The following NLGN4X variants were observed in gnomAD, a reference collection of about 807,000 sequenced individuals.
The protein encoded by NLGN4X is neuroligin-4, X-linked.
A neutral mutation model predicts 40.3 loss-of-function variants in NLGN4X; 3 were observed. The observed-to-expected ratio is 0.07, with a 90% CI of 0.03 to 0.19. NLGN4X has a LOEUF of 0.19. Among genes scored for constraint, NLGN4X ranks in the 10% least tolerant of loss-of-function variants. The pLI is 1.00. For missense variants in NLGN4X, 382 were observed against 708.3 expected (o/e 0.54, Z 5.23); for synonymous variants, 270 against 306.8 (o/e 0.88, Z 1.25).
intron 1 of NLGN4X, among the ~76,000 whole-genome samples, chrX:6,193,429 A>T (rs954679485): frequency 2.8e-5 from 3 of 109,012 alleles, no homozygotes; most frequent in Non-Finnish European, 3.8e-5. Flanking sequence ...AAAAAAAAAA[A>T]AAAATGCCTC....
At chrX:5,958,060 C>A (rs2034552119) in intron 3 of NLGN4X, among the ~76,000 whole-genome samples, 1 of 111,713 alleles carries the variant, frequency 9.0e-6, no homozygotes, top group Non-Finnish European at 1.9e-5. Flanking sequence ...TCCCAGCGAA[C>A]AAACTTCTAT....
chrX:5,939,929 T>C (rs1453700284), intron 3 of NLGN4X, among the ~76,000 whole-genome samples: 1 of 111,402 alleles, frequency 9.0e-6, no homozygotes, highest in Non-Finnish European at 1.9e-5. Flanking sequence ...TGGACCTAAA[T>C]GTCTTGCCAA....
Position 6,042,458 on chromosome X carries a change from T to C in NLGN4X, c.473-13026A>G, listed in dbSNP as rs1224618288. Among the ~76,000 whole-genome samples the C allele has an allele frequency of 1.9e-4, 20 of 107,416 alleles. No individual in the cohort carries two copies. In the Admixed American group the frequency reaches 2.0e-3, roughly 11 times the overall value. 93.3% of individuals were successfully genotyped at this position (107,416 alleles called of 115,157 possible). On this transcript the variant is annotated intron_variant, in intron 2 of 5. Transcript: ENST00000381095. ...TATATTTACATGAGCCTTTCCCATT[T>C]TTTTTTTAGAATTTTCAGCTGATAG...
At chrX:6,047,584 T>C (rs1315978541) in intron 2 of NLGN4X, among the ~76,000 whole-genome samples, 10 of 112,361 alleles carry the variant, frequency 8.9e-5, no homozygotes, top group African/African-American at 2.6e-4. Flanking sequence ...TTTAGCAGCC[T>C]TGCAGAGGCT....
intron 2 of NLGN4X, among the ~76,000 whole-genome samples, chrX:6,049,541 C>T (rs1030605882): frequency 5.5e-5 from 6 of 109,568 alleles, no homozygotes; most frequent in Non-Finnish European, 7.6e-5. Flanking sequence ...ACTGAAGTGT[C>T]GCCACTTCTT....
intron 3 of NLGN4X, among the ~76,000 whole-genome samples, chrX:5,994,438 T>C (rs1191961549): frequency 9.0e-6 from 1 of 110,861 alleles, no homozygotes; most frequent in Non-Finnish European, 1.9e-5. Context: ...ACTTAGGAGG[T>C]CTCTTCTTAT....
intron 3 of NLGN4X, among the ~76,000 whole-genome samples, chrX:5,986,564 ATAAAC>A (rs1046981263): frequency 1.8e-5 from 2 of 112,481 alleles, no homozygotes; most frequent in Non-Finnish European, 3.8e-5. Flanking sequence ...TGTAAAGTCT[ATAAAC>A]TAACATTAAG....
chrX:5,904,670 G>A (rs952365741), intron 4 of NLGN4X, among the ~76,000 whole-genome samples: 1 of 112,028 alleles, frequency 8.9e-6, no homozygotes, highest in African/African-American at 3.2e-5. Context: ...TCTACTACAC[G>A]GATGTCCAGA....
intron 3 of NLGN4X, among the ~76,000 whole-genome samples, chrX:5,925,925 TATATATAA>T (rs1458430723): frequency 1.9e-5 from 1 of 52,213 alleles, no homozygotes; most frequent in East Asian, 7.2e-4. Flanking sequence ...TATATATATA[TATATATAA>T]ACCTGCGAAG....
intron 2 of NLGN4X, among the ~76,000 whole-genome samples, chrX:6,146,957 A>AT (rs2147684213): frequency 9.1e-6 from 1 of 109,807 alleles, no homozygotes; most frequent in South Asian, 4.0e-4. Context: ...TGCCCAGCTA[A>AT]TTTTTTGTAT....
At chrX:5,948,739 G>A (rs1001003036) in intron 3 of NLGN4X, among the ~76,000 whole-genome samples, 7 of 112,123 alleles carry the variant, frequency 6.2e-5, no homozygotes, top group African/African-American at 1.6e-4. Context: ...GTTAGCTAAT[G>A]TTGTGTAACA....
chrX:5,904,624 A>C (rs1023628619), intron 4 of NLGN4X, among the ~76,000 whole-genome samples: 1 of 112,104 alleles, frequency 8.9e-6, no homozygotes, highest in Non-Finnish European at 1.9e-5. Flanking sequence ...TTTAGGAGTA[A>C]AATTCTGTGT....
At chrX:6,182,908 G>A (rs1358341478) in intron 1 of NLGN4X, among the ~76,000 whole-genome samples, 1 of 112,282 alleles carries the variant, frequency 8.9e-6, no homozygotes, top group African/African-American at 3.2e-5. Flanking sequence ...AAACCATTAA[G>A]TTTGTGATTA....
intron 1 of NLGN4X, among the ~76,000 whole-genome samples, chrX:6,166,831 G>A (rs1051484185): frequency 1.8e-5 from 2 of 110,685 alleles, no homozygotes; most frequent in African/African-American, 3.3e-5. Flanking sequence ...CAACACTTTC[G>A]GAGGCTGAGG....
intron 3 of NLGN4X, among the ~76,000 whole-genome samples, chrX:5,921,390 C>CGAGAGAGAGA (rs2033039435): frequency 5.8e-5 from 1 of 17,193 alleles, no homozygotes; most frequent in African/African-American, 2.3e-4. Flanking sequence ...TGAAAATGAA[C>CGAGAGAGAGA]CAGAGAGAGA....
At chrX:6,187,218 G>C (rs1277161191) in intron 1 of NLGN4X, among the ~76,000 whole-genome samples, 1 of 102,036 alleles carries the variant, frequency 9.8e-6, no homozygotes, top group Non-Finnish European at 2.0e-5. Flanking sequence ...TTACAGGTTT[G>C]AGCCACCGCG....
intron 4 of NLGN4X, among the ~76,000 whole-genome samples, chrX:5,908,106 CAG>C (rs1440196529): frequency 3.1e-5 from 3 of 96,508 alleles, no homozygotes; most frequent in Non-Finnish European, 4.1e-5. Context: ...GGGTGAGAGA[CAG>C]AGCAAAAGAG....
chrX:6,146,441 G>A lies in NLGN4X; in HGVS notation c.472+4554C>T, dbSNP rs115312610. On this transcript the variant is annotated intron_variant, in intron 2 of 5. Coordinates refer to ENST00000381095, the MANE Select transcript of NLGN4X (RefSeq NM_181332.3). ...TTTGTTCCCTAACTAGGATGCTCTG[G>A]CTTATTATCTACCTCTAGGTTTATT... Among the ~76,000 whole-genome samples, 670 of 111,703 alleles carry A rather than the reference G, an allele frequency of 6.0e-3. 6 individuals carry two copies. The highest frequency in any genetic ancestry group is 0.021 in the African/African-American group (640 of 30,774).
At chrX:6,060,457 A>G (rs188932382) in intron 2 of NLGN4X, among the ~76,000 whole-genome samples, 1 of 111,746 alleles carries the variant, frequency 8.9e-6, no homozygotes, top group African/African-American at 3.2e-5. Flanking sequence ...TGATCAGCAC[A>G]GATGAAAGAA....
Sources: gnomAD v4.1 joint callset for allele counts (sites outside exome capture counted in the v4.1 genomes callset) on GRCh38, gnomAD v4.1.1 for gene constraint, MANE v1.5 for transcripts, NCBI Gene and HGNC (gene_info 2026-07-23, HGNC 2026-07-21) for gene names.